Variants in PHF20 observed in about 807,000 individuals in gnomAD.
The protein encoded by PHF20 is PHD finger protein 20.
A neutral mutation model predicts 113.5 loss-of-function variants in PHF20; 23 were observed. The ratio of observed to expected loss-of-function variants is 0.20; its 90% CI spans 0.15 to 0.29. The LOEUF (loss-of-function observed/expected upper bound fraction) is 0.29, where lower values mean the gene tolerates loss of function less well. PHF20 is among the 10% of genes least tolerant of loss of function. The probability of loss-of-function intolerance (pLI) is 1.00; values close to 1 mark genes in which losing one functional copy is unlikely to be tolerated. For missense variants in PHF20, 943 were observed against 1,219.6 expected, an observed-to-expected ratio of 0.77 and a Z score of 3.38; for synonymous variants, 434 against 457.3, an observed-to-expected ratio of 0.95 and a Z score of 0.65.
chr20:35,814,520 A>G (rs979505839), intron 2 of PHF20, among the ~76,000 whole-genome samples: 1 of 150,164 alleles, frequency 6.7e-6, no homozygotes, highest in African/African-American at 2.4e-5. Context: ...CCCGGCCTAT[A>G]ATATTAAATT....
chr20:35,834,985 AGAG>A (rs2042414360), intron 2 of PHF20, among the ~76,000 whole-genome samples: 1 of 152,172 alleles, frequency 6.6e-6, no homozygotes, highest in Non-Finnish European at 1.5e-5. Flanking sequence ...TGACTCAAGA[AGAG>A]GTAGGAGGCC....
At chr20:35,792,440 C>T (rs1264621782) in intron 1 of PHF20, among the ~76,000 whole-genome samples, 5 of 152,138 alleles carry the variant, frequency 3.3e-5, no homozygotes, top group Non-Finnish European at 4.4e-5. Flanking sequence ...CCGCCCTCCT[C>T]GACCTCCCAA....
At chr20:35,933,733 A>G (rs1463437585) in intron 15 of PHF20, among the ~76,000 whole-genome samples, 1 of 152,034 alleles carries the variant, frequency 6.6e-6, no homozygotes, top group Admixed American at 6.6e-5. Context: ...GGGTTTCACC[A>G]TGTTGGCCAG....
At position 35,857,562 on chromosome 20, in the gene PHF20, CTTTTTTTT is replaced by C. The variant is rs56655276; in HGVS notation, c.341-723_341-716del. 2.6e-3 allele frequency among the ~76,000 whole-genome samples: 255 copies of C among 99,698 alleles called. 1 individual carries two copies. Among genetic ancestry groups the C allele is most frequent in the Admixed American group, 8.5e-3 (56 of 6,604 alleles). 65.4% of individuals were successfully genotyped at this position (99,698 alleles called of 152,430 possible). Reference sequence around the variant, plus strand: ...CAATACCTTTAGCTGAATGATGTTCCTTTTTTTTTTTTTTTTTTTTTTTTGTTTTTTTT... The same window carrying C: ...CAATACCTTTAGCTGAATGATGTTCCTTTTTTTTTTTTTTTTGTTTTTTTT... On this transcript the variant is annotated intron_variant, in intron 4 of 17. Transcript: ENST00000374012.
At chr20:35,806,743 C>T (rs973325047) in intron 2 of PHF20, among the ~76,000 whole-genome samples, 1 of 148,810 alleles carries the variant, frequency 6.7e-6, no homozygotes, top group Non-Finnish European at 1.5e-5. Context: ...CTCTTGATAT[C>T]TGGTAAGACA....
chr20:35,850,296 GTTTTTTTTTTTTTT>G (rs554100863), intron 4 of PHF20, among the ~76,000 whole-genome samples: 8,354 of 62,390 alleles, frequency 0.13, 506 homozygotes, highest in South Asian at 0.31. Context: ...TTCCCCCTCC[GTTTTTTTTTTTTTT>G]TTTTTTTTTT....
chr20:35,906,769 A>G (rs542992393), intron 10 of PHF20, among the ~76,000 whole-genome samples: 2 of 152,310 alleles, frequency 1.3e-5, no homozygotes, highest in Admixed American at 6.5e-5. Context: ...TCAAGGGAAC[A>G]TGGAACATGA....
At chr20:35,861,654 T>C (rs2054220445) in intron 5 of PHF20, among the ~76,000 whole-genome samples, 1 of 152,172 alleles carries the variant, frequency 6.6e-6, no homozygotes, top group South Asian at 2.1e-4. Context: ...AGTTCAAAGG[T>C]ATAACCTTTT....
chr20:35,810,672 G>A (rs2041961365), intron 2 of PHF20, among the ~76,000 whole-genome samples: 1 of 152,102 alleles, frequency 6.6e-6, no homozygotes, highest in African/African-American at 2.4e-5. Flanking sequence ...TAGCATTTTT[G>A]TAATAACCAA....
chr20:35,885,180 T>C (rs2054704422), intron 9 of PHF20, among the ~76,000 whole-genome samples: 1 of 152,184 alleles, frequency 6.6e-6, no homozygotes, highest in South Asian at 2.1e-4. Flanking sequence ...TGAAAATAAA[T>C]TGCAGACCTT....
intron 4 of PHF20, among the ~76,000 whole-genome samples, chr20:35,853,867 G>C (rs1220238844): frequency 1.3e-5 from 2 of 151,216 alleles, no homozygotes; most frequent in Middle Eastern, 3.4e-3. Context: ...TGATTCTTCT[G>C]CCTCAGCCTC....
intron 9 of PHF20, among the ~76,000 whole-genome samples, chr20:35,880,307 C>T (rs555617960): frequency 6.6e-6 from 1 of 152,190 alleles, no homozygotes; most frequent in South Asian, 2.1e-4. Flanking sequence ...GACCATAGGG[C>T]GATTTCTGAG....
Position 35,814,055 on chromosome 20 carries a change from T to TA in PHF20, c.83+12453dup, listed in dbSNP as rs1415275552. ...TCTATCTCTAAATAAAATAAATAAATAAATAAATAAAATAAAACATTGGTT... is the reference window on the plus strand; with the variant it reads ...TCTATCTCTAAATAAAATAAATAAATAAAATAAATAAAATAAAACATTGGTT... On this transcript the variant is annotated intron_variant, in intron 2 of 17. Coordinates refer to ENST00000374012, the MANE Select transcript of PHF20 (RefSeq NM_016436.5). Among the ~76,000 whole-genome samples the TA allele has an allele frequency of 6.0e-5, 9 of 149,646 alleles. No individual in the cohort carries two copies. The East Asian group carries it at 1.8e-3, about 29-fold the overall frequency.
chr20:35,876,916 C>T (rs2054534223), intron 9 of PHF20, among the ~76,000 whole-genome samples: 1 of 151,168 alleles, frequency 6.6e-6, no homozygotes, highest in South Asian at 2.1e-4. Context: ...ACCATCCTGT[C>T]TAACACGGTG....
At chr20:35,817,534 C>T (rs1248729475) in intron 2 of PHF20, among the ~76,000 whole-genome samples, 3 of 152,122 alleles carry the variant, frequency 2.0e-5, no homozygotes, top group Non-Finnish European at 4.4e-5. Flanking sequence ...GTGTCCCACA[C>T]CTGCAATCCC....
intron 4 of PHF20, chr20:35,855,166 A>C: frequency 1.4e-6 from 1 of 691,788 alleles, no homozygotes; most frequent in Non-Finnish European, 2.0e-6. Context: ...CAGACTTGCC[A>C]GAGTTGCACC....
At chr20:35,884,233 G>A (rs2054685026) in intron 9 of PHF20, among the ~76,000 whole-genome samples, 1 of 152,192 alleles carries the variant, frequency 6.6e-6, no homozygotes, top group Non-Finnish European at 1.5e-5. Context: ...TGGAAGCTGG[G>A]ATGCTGCGTT....
intron 2 of PHF20, 114 bp from the exon 3 acceptor site, chr20:35,842,459 G>A (rs776101537): frequency 4.4e-5 from 39 of 894,132 alleles, no homozygotes; most frequent in Middle Eastern, 3.1e-4. Context: ...GTCTCTAAAC[G>A]GTAGGCCTGG....
intron 2 of PHF20, among the ~76,000 whole-genome samples, chr20:35,819,162 C>T (rs894332247): frequency 1.3e-5 from 2 of 152,110 alleles, no homozygotes; most frequent in African/African-American, 4.8e-5. Flanking sequence ...AACTCCTGAC[C>T]TCAGGTGATC....
Sources: allele counts gnomAD v4.1 joint callset (sites outside exome capture counted in the v4.1 genomes callset), GRCh38; gene constraint gnomAD v4.1.1; transcripts MANE v1.5; gene names NCBI Gene and HGNC (gene_info 2026-07-23, HGNC 2026-07-21).